Variants in TEX10 observed in about 807,000 individuals in gnomAD.
The protein encoded by TEX10 is testis-expressed protein 10.
Under a neutral mutation model 104.4 loss-of-function variants are expected in TEX10, and 24 were observed. The observed-to-expected ratio is 0.23, with a 90% CI of 0.17 to 0.32. The LOEUF is 0.32. TEX10 is among the 10% of genes least tolerant of loss of function. The probability of loss-of-function intolerance (pLI) is 1.00; values close to 1 mark genes in which losing one functional copy is unlikely to be tolerated. For missense variants in TEX10, 921 were observed against 1,083.9 expected (o/e 0.85, Z 2.11); for synonymous variants, 396 against 393.4 (o/e 1.01, Z -0.08).
At chr9:100,349,468 TC>T in intron 1 of TEX10, 96 bp from the exon 2 acceptor site, 1 of 694,030 alleles carries the variant, frequency 1.4e-6, no homozygotes, top group East Asian at 3.2e-5. Flanking sequence ...AACATTTATT[TC>T]AATCGTAATC....
Position 100,324,840 on chromosome 9 carries a change from G to A in TEX10, c.1979+1462C>T, listed in dbSNP as rs188234354. Among the ~76,000 whole-genome samples the A allele has an allele frequency of 3.9e-3, 592 of 152,060 alleles. 1 individual carries two copies. The highest frequency in any genetic ancestry group is 7.0e-3 in the Non-Finnish European group (473 of 67,968). On this transcript the variant is annotated intron_variant, in intron 9 of 14. Coordinates refer to ENST00000374902, the MANE Select transcript of TEX10 (RefSeq NM_017746.4). Reference sequence around the variant, plus strand: ...AATAAAAAACAAGCTCTTAAGTTACGGAAAATTTTTTTTAAAAATTTAACT... The same window carrying A: ...AATAAAAAACAAGCTCTTAAGTTACAGAAAATTTTTTTTAAAAATTTAACT...
At chr9:100,346,639 G>C (rs1025679656) in intron 3 of TEX10, 55 bp downstream of exon 3, 24 of 1,502,872 alleles carry the variant, frequency 1.6e-5, no homozygotes, top group Non-Finnish European at 2.1e-5. Context: ...TCAATGGTTA[G>C]CAGTTATAAT....
At chr9:100,317,258 T>A (rs1834444591) in intron 11 of TEX10, among the ~76,000 whole-genome samples, 1 of 152,170 alleles carries the variant, frequency 6.6e-6, no homozygotes, top group South Asian at 2.1e-4. Context: ...CCTACAAGGC[T>A]GTAGTAAACA....
intron 5 of TEX10, among the ~76,000 whole-genome samples, chr9:100,339,822 G>C (rs967802746): frequency 2.0e-5 from 3 of 147,782 alleles, no homozygotes; most frequent in African/African-American, 7.5e-5. Context: ...TTTTATTTCT[G>C]ATTTTTCTCC....
chr9:100,303,844 T>C lies in TEX10; in HGVS notation c.2466-2A>G. 6.2e-7 allele frequency: 1 copy of C among 1,613,672 alleles called. No homozygotes were observed. Among genetic ancestry groups the C allele is most frequent in the Non-Finnish European group, 8.5e-7 (1 of 1,179,928 alleles). On this transcript the variant is annotated splice_acceptor_variant, in intron 13 of 14. Transcript: ENST00000374902. LOFTEE classifies it high-confidence loss of function. The stretch of plus-strand genomic sequence containing the variant: ...ACACAGACCCCCCACAGCTTGTCCC[T>C]ACAATAACAGAGACAGAAATGAGTC...
chr9:100,310,565 G>A (rs1156620328), intron 11 of TEX10, among the ~76,000 whole-genome samples, 186 bp from the exon 12 acceptor site: 1 of 151,940 alleles, frequency 6.6e-6, no homozygotes, highest in African/African-American at 2.4e-5. Flanking sequence ...AGCCTCCCCA[G>A]TAGCTGGGAC....
chr9:100,321,641 T>C, intron 10 of TEX10, 42 bp downstream of exon 10: 3 of 1,473,614 alleles, frequency 2.0e-6, no homozygotes, highest in Non-Finnish European at 2.8e-6. Flanking sequence ...GTGATTCATA[T>C]TAGGTTTTTT....
rs1448915795 is a variant in TEX10, at chr9:100,346,104, G to C, written c.1105C>G (p.Leu369Val). ...VLNIISLLWK[L>V]SKQQDETHKL... Reference sequence around the variant, plus strand: ...TGGGTTTCATCCTGTTGTTTAGAGAGTTTCCACAGAAGGGAAATAATATTA... The same window carrying C: ...TGGGTTTCATCCTGTTGTTTAGAGACTTTCCACAGAAGGGAAATAATATTA... Residue 369 changes from leucine to valine, a missense_variant, in exon 4 of 15, where the codon CTC becomes GTC. By Grantham distance (32) the Leu-to-Val change is conservative. This residue lies in a region of TEX10 where 753 missense variants were observed against 868.4 expected (regional missense o/e 0.87). Coordinates refer to ENST00000374902, the MANE Select transcript of TEX10 (RefSeq NM_017746.4). The C allele has an allele frequency of 6.2e-7, 1 of 1,613,888 alleles. No homozygotes were observed. Among genetic ancestry groups the C allele is most frequent in the Non-Finnish European group, 8.5e-7 (1 of 1,179,868 alleles).
At position 100,302,113 on chromosome 9, in the gene TEX10, G is replaced by T; in HGVS notation, c.*78C>A. 1.2e-6 allele frequency: 1 copy of T among 836,496 alleles called. No individual in the cohort carries two copies. Among genetic ancestry groups the T allele is most frequent in the Non-Finnish European group, 1.8e-6 (1 of 550,750 alleles). 51.8% of individuals were successfully genotyped at this position (836,496 alleles called of 1,614,324 possible). On this transcript the variant is annotated 3_prime_UTR_variant, in exon 15 of 15. Coordinates refer to ENST00000374902, the MANE Select transcript of TEX10 (RefSeq NM_017746.4). ...TTAAAAGTTCAGCTTTAATGACAAA[G>T]ATCTATTACATCAGTCTTTTTCTTC...
chr9:100,336,551 T>C (rs1170597434), intron 5 of TEX10, among the ~76,000 whole-genome samples: 3 of 152,196 alleles, frequency 2.0e-5, no homozygotes, highest in Non-Finnish European at 4.4e-5. Context: ...CAGATAAGAC[T>C]GTCTAGTTGC....
intron 3 of TEX10, 115 bp from the exon 4 acceptor site, chr9:100,346,430 T>G (rs1313544720): frequency 8.2e-7 from 1 of 1,216,166 alleles, no homozygotes; most frequent in Non-Finnish European, 1.1e-6. Context: ...AACTGATAAT[T>G]ACATCAATCA....
chr9:100,347,945 A>C (rs1835343728), intron 2 of TEX10, among the ~76,000 whole-genome samples: 1 of 152,226 alleles, frequency 6.6e-6, no homozygotes, highest in Non-Finnish European at 1.5e-5. Flanking sequence ...CCTCACAAAG[A>C]CCTACACACA....
intron 5 of TEX10, among the ~76,000 whole-genome samples, chr9:100,336,855 T>C (rs998756729): frequency 1.9e-4 from 29 of 152,316 alleles, no homozygotes; most frequent in African/African-American, 6.5e-4. Flanking sequence ...TGCATTTACT[T>C]AAGAGTAGCC....
In TEX10 at chr9:100,302,340, C is replaced by A. The variant is rs746977498; in HGVS notation, c.2677-36G>T. The A allele has an allele frequency of 1.5e-5, 22 of 1,458,282 alleles. No individual in the cohort carries two copies. The South Asian group carries it at 2.1e-4, about 14-fold the overall frequency. 90.3% of individuals were successfully genotyped at this position (1,458,282 alleles called of 1,614,324 possible). On this transcript the variant is annotated intron_variant, in intron 14 of 14. Coordinates refer to ENST00000374902, the MANE Select transcript of TEX10 (RefSeq NM_017746.4). ...AAACAAGAGTAATCTGAGAACTGCACCCAAATCACTATGCTACCTGACAGT... is the reference window on the plus strand; with the variant it reads ...AAACAAGAGTAATCTGAGAACTGCAACCAAATCACTATGCTACCTGACAGT...
intron 5 of TEX10, among the ~76,000 whole-genome samples, chr9:100,339,015 A>G (rs1835087128): frequency 6.6e-6 from 1 of 151,830 alleles, no homozygotes; most frequent in African/African-American, 2.4e-5. Flanking sequence ...GCACTTTGGG[A>G]GGCTGAGGTG....
intron 11 of TEX10, among the ~76,000 whole-genome samples, chr9:100,318,605 A>C (rs886721143): frequency 6.6e-6 from 1 of 152,256 alleles, no homozygotes; most frequent in African/African-American, 2.4e-5. Context: ...CCCTAAATTT[A>C]CATGCACACA....
Position 100,352,845 on chromosome 9 carries a change from G to A in TEX10, c.-83C>T. The A allele has an allele frequency of 2.0e-6, 2 of 1,016,162 alleles. No homozygotes were observed. The highest frequency in any genetic ancestry group is 2.3e-6 in the Non-Finnish European group (2 of 851,614). 62.9% of individuals were successfully genotyped at this position (1,016,162 alleles called of 1,614,324 possible). A position where few individuals can be genotyped will look rare whatever the true frequency, so the allele number is the denominator to read the frequency against. The stretch of plus-strand genomic sequence containing the variant: ...GGGAGCAGAAGCCCACGGGGCAACA[G>A]CGTGCGCCGCCGACCTCAGGCTCTA... On this transcript the variant is annotated 5_prime_UTR_variant, in exon 1 of 15. Coordinates refer to ENST00000374902, the MANE Select transcript of TEX10 (RefSeq NM_017746.4).
At chr9:100,326,554 G>A in intron 8 of TEX10, 75 bp from the exon 9 acceptor site, 1 of 1,401,292 alleles carries the variant, frequency 7.1e-7, no homozygotes, top group Non-Finnish European at 9.6e-7. Context: ...GCAGATCAAT[G>A]ACTTCCATTG....
intron 10 of TEX10, 148 bp downstream of exon 10, chr9:100,321,535 C>T: frequency 3.2e-6 from 2 of 622,482 alleles, no homozygotes; most frequent in Non-Finnish European, 5.5e-6. Flanking sequence ...CTTTCGATTT[C>T]CAGTTACTAA....
Sources: gnomAD v4.1 joint callset for allele counts (sites outside exome capture counted in the v4.1 genomes callset) on GRCh38, gnomAD v4.1.1 for gene constraint, gnomAD v4.1.1 regional missense constraint, MANE v1.5 for transcripts, NCBI Gene and HGNC (gene_info 2026-07-23, HGNC 2026-07-21) for gene names.